Variants in TCF4 observed in about 807,000 individuals in gnomAD.
TCF4 encodes the protein SL3-3 enhancer factor 2.
Under a neutral mutation model 82.1 loss-of-function variants are expected in TCF4, and 3 were observed. That is an observed-to-expected ratio of 0.04 (90% CI 0.02 to 0.09). The LOEUF (loss-of-function observed/expected upper bound fraction) is 0.09. Ranked by LOEUF, TCF4 falls within the 10% of genes least tolerant of loss-of-function variation. The pLI is 1.00. For synonymous variants in TCF4, 276 were observed against 309.6 expected, an observed-to-expected ratio of 0.89 and a Z score of 1.14; for missense variants, 518 against 852.7, an observed-to-expected ratio of 0.61 and a Z score of 4.89.
intron 8 of TCF4, among the ~76,000 whole-genome samples, chr18:55,280,258 ACAAT>A (rs762006991): frequency 6.6e-6 from 1 of 152,172 alleles, no homozygotes; most frequent in African/African-American, 2.4e-5. Flanking sequence ...AAGACCACCA[ACAAT>A]CAGTGTGTGC....
chr18:55,617,444 AT>A (rs923570975), intron 2 of TCF4, among the ~76,000 whole-genome samples: 7 of 151,286 alleles, frequency 4.6e-5, no homozygotes, highest in Non-Finnish European at 5.9e-5. Flanking sequence ...GAATTCTAGG[AT>A]TTTTTTTTCC....
intron 8 of TCF4, among the ~76,000 whole-genome samples, chr18:55,295,205 A>G (rs2066171874): frequency 6.6e-6 from 1 of 152,080 alleles, no homozygotes; most frequent in Admixed American, 6.5e-5. Context: ...CATGTGTTGT[A>G]CCATGTGTTG....
intron 8 of TCF4, among the ~76,000 whole-genome samples, chr18:55,302,926 C>G (rs2068793278): frequency 6.6e-6 from 1 of 152,136 alleles, no homozygotes; most frequent in African/African-American, 2.4e-5. Flanking sequence ...CTCAAAATAT[C>G]TGACATTTTC....
chr18:55,508,558 A>T (rs568493812), intron 3 of TCF4, among the ~76,000 whole-genome samples: 1 of 152,326 alleles, frequency 6.6e-6, no homozygotes, highest in Admixed American at 6.5e-5. Flanking sequence ...TTTAATTCCC[A>T]TAGCCCAATG....
intron 3 of TCF4, among the ~76,000 whole-genome samples, chr18:55,521,266 TCAAA>T (rs1213287142): frequency 6.6e-5 from 10 of 152,188 alleles, no homozygotes; most frequent in Non-Finnish European, 8.8e-5. Flanking sequence ...ATAACTTTCT[TCAAA>T]CAGTTATAGT....
At position 55,275,662 on chromosome 18, in the gene TCF4, G is replaced by A; in HGVS notation, c.746C>T (p.Pro249Leu). The A allele has an allele frequency of 1.1e-5, 18 of 1,613,864 alleles. No homozygotes were observed. The highest frequency in any genetic ancestry group is 1.4e-5 in the Non-Finnish European group (17 of 1,179,806). Residue 249 changes from proline (P) to leucine (L), a missense_variant, in exon 10 of 20, where the codon CCA becomes CTA. Pro to Leu is a moderately conservative substitution (Grantham distance 98). Coordinates refer to ENST00000354452, the MANE Select transcript of TCF4 (RefSeq NM_001083962.2). Reference sequence around the variant, plus strand: ...CAGGCTACAGTAGCTGCTGGACTGTGGAATATGAGAAGAGTTGCCCAACAT... The same window carrying A: ...CAGGCTACAGTAGCTGCTGGACTGTAGAATATGAGAAGAGTTGCCCAACAT... ...AGMLGNSSHI[P>L]QSSSYCSLHP...
intron 3 of TCF4, among the ~76,000 whole-genome samples, chr18:55,565,940 G>A (rs575429969): frequency 9.9e-5 from 15 of 151,626 alleles, no homozygotes; most frequent in Admixed American, 2.6e-4. Context: ...GGTGGCTCAC[G>A]CCTGTAATCA....
intron 6 of TCF4, among the ~76,000 whole-genome samples, chr18:55,373,494 G>A (rs2089905162): frequency 6.6e-6 from 1 of 152,050 alleles, no homozygotes; most frequent in South Asian, 2.1e-4. Context: ...AGGACAATAA[G>A]TAATAAAAGG....
intron 2 of TCF4, among the ~76,000 whole-genome samples, chr18:55,624,628 T>C (rs1425461781): frequency 6.6e-6 from 1 of 152,072 alleles, no homozygotes; most frequent in East Asian, 1.9e-4. Context: ...TATCCCTTTT[T>C]TCTCCTGAAG....
chr18:55,279,236 A>G (rs2146256339), intron 9 of TCF4, among the ~76,000 whole-genome samples: 1 of 152,328 alleles, frequency 6.6e-6, no homozygotes, highest in Non-Finnish European at 1.5e-5. Context: ...ACAAACAGCT[A>G]CATCGTCTTG....
intron 5 of TCF4, among the ~76,000 whole-genome samples, chr18:55,421,783 T>C (rs191944345): frequency 1.3e-5 from 2 of 152,304 alleles, no homozygotes; most frequent in South Asian, 2.1e-4. Flanking sequence ...GAGGGCCAGA[T>C]AGAACTTTCA....
intron 3 of TCF4, among the ~76,000 whole-genome samples, chr18:55,507,313 A>G (rs2096773261): frequency 6.6e-6 from 1 of 152,202 alleles, no homozygotes; most frequent in Non-Finnish European, 1.5e-5. Flanking sequence ...GCACTGCCAT[A>G]GTAACAGTCA....
At chr18:55,418,497 CAATT>C (rs1178898934) in intron 5 of TCF4, among the ~76,000 whole-genome samples, 5 of 152,096 alleles carry the variant, frequency 3.3e-5, no homozygotes, top group African/African-American at 7.2e-5. Flanking sequence ...TATTAACAAT[CAATT>C]GTTAAGAACT....
chr18:55,360,204 A>C (rs1373148793), intron 6 of TCF4, among the ~76,000 whole-genome samples: 1 of 152,242 alleles, frequency 6.6e-6, no homozygotes, highest in Non-Finnish European at 1.5e-5. Context: ...GACTTCCCTT[A>C]GTAGGTAGCA....
At chr18:55,579,679 C>T (rs889898171) in intron 3 of TCF4, among the ~76,000 whole-genome samples, 2 of 151,948 alleles carry the variant, frequency 1.3e-5, no homozygotes, top group East Asian at 1.9e-4. Context: ...GGGAACAGAT[C>T]TAAATAGCAT....
chr18:55,223,755 A>G lies in TCF4; in HGVS notation c.*4280T>C, dbSNP rs1484072397. ...TTTTTAAGTTTTTAATGCTGCAGCT[A>G]TGTGTACAGTCGCAAAAAATTTCCC... On this transcript the variant is annotated 3_prime_UTR_variant, in exon 20 of 20. Coordinates refer to ENST00000354452, the MANE Select transcript of TCF4 (RefSeq NM_001083962.2). 2.9e-5 allele frequency: 4 copies of G among 139,132 alleles called. No homozygotes were observed. In the East Asian group the frequency reaches 6.3e-4, roughly 22 times the overall value. 8.6% of individuals were successfully genotyped at this position (139,132 alleles called of 1,614,324 possible). A position where few individuals can be genotyped will look rare whatever the true frequency, so the allele number is the denominator to read the frequency against.
chr18:55,259,980 T>C lies in TCF4; in HGVS notation c.1038A>G (p.Ser346=). ...GAGATGGAGGAGAGCCAACAGGAGT[T>C]GAAGGGTTTGATGAAAAGCTGTTGT... ...HTNNSFSSNP[S]TPVGSPPSLS... is the part of the protein sequence containing the mutation. Residue 346 remains serine, a synonymous_variant, in exon 13 of 20, where the codon TCA becomes TCG. Coordinates refer to ENST00000354452, the MANE Select transcript of TCF4 (RefSeq NM_001083962.2). 1 of 1,613,352 alleles carries C rather than the reference T, an allele frequency of 6.2e-7. No individual in the cohort carries two copies. Among genetic ancestry groups the C allele is most frequent in the Non-Finnish European group, 8.5e-7 (1 of 1,179,594 alleles).
Position 55,254,591 on chromosome 18 carries a change from T to G in TCF4, c.1256A>C (p.His419Pro). ...ATTATGAGAAGGTCCAATGATTCCA[T>G]GCATGTCCCCATGACCACCAGGCAT... The part of the protein sequence containing the change: ...TAMPGGHGDM[H>P]GIIGPSHNGA... The change falls in exon 15 of 20, where the codon CAT becomes CCT. Residue 419 changes from histidine (H) to proline (P), a missense_variant. By Grantham distance (77) the His-to-Pro change is moderately conservative (BLOSUM62 -2). Around this residue, in one of 7 missense-constraint regions of TCF4, gnomAD observed 144 missense variants for 190.2 expected, o/e 0.76. Coordinates refer to ENST00000354452, the MANE Select transcript of TCF4 (RefSeq NM_001083962.2). The G allele has an allele frequency of 1.9e-6, 3 of 1,613,788 alleles. No individual in the cohort carries two copies. Among genetic ancestry groups the G allele is most frequent in the Non-Finnish European group, 2.5e-6 (3 of 1,179,846 alleles).
intron 9 of TCF4, 117 bp downstream of exon 9, chr18:55,279,433 TG>T (rs2062085636): frequency 8.9e-6 from 13 of 1,467,604 alleles, no homozygotes; most frequent in Non-Finnish European, 1.2e-5. Context: ...AAGAAGAGCA[TG>T]ACTTCAAAAA....
Sources: gnomAD v4.1 joint callset for allele counts (sites outside exome capture counted in the v4.1 genomes callset) on GRCh38, gnomAD v4.1.1 for gene constraint, gnomAD v4.1.1 regional missense constraint, MANE v1.5 for transcripts, NCBI Gene and HGNC (gene_info 2026-07-23, HGNC 2026-07-21) for gene names.